Variants in CLOCK observed in about 807,000 individuals in gnomAD.
CLOCK encodes the protein clock circadian regulator.
Under a neutral mutation model 118.4 loss-of-function variants are expected in CLOCK, and 43 were observed. The observed-to-expected ratio is 0.36, with a 90% CI of 0.28 to 0.47. The LOEUF (loss-of-function observed/expected upper bound fraction) is 0.47, where lower values mean the gene tolerates loss of function less well. Among genes scored for constraint, CLOCK ranks in the 20% least tolerant of loss-of-function variants. The pLI, the probability that CLOCK is intolerant of heterozygous loss-of-function variation, is 1.00. For synonymous variants in CLOCK, 326 were observed against 339.2 expected (o/e 0.96, Z 0.43); for missense variants, 846 against 999.9 (o/e 0.85, Z 2.08).
In CLOCK at chr4:55,474,270, C is replaced by A. The variant is rs569298335; in HGVS notation, c.348+1693G>T. Among the ~76,000 whole-genome samples, 4 of 152,276 alleles carry A rather than the reference C, an allele frequency of 2.6e-5. No individual in the cohort carries two copies. In the South Asian group the frequency reaches 8.3e-4, roughly 32 times the overall value. ...GCCACAACATCCCCTTAAGCCAAAGCCTAATCCAGAGGCCTTAATGCTCTT... is the reference window on the plus strand; with the variant it reads ...GCCACAACATCCCCTTAAGCCAAAGACTAATCCAGAGGCCTTAATGCTCTT... On this transcript the variant is annotated intron_variant, in intron 7 of 22. Transcript: ENST00000513440.
At chr4:55,541,685 T>C (rs747589491) in intron 1 of CLOCK, among the ~76,000 whole-genome samples, 9 of 152,200 alleles carry the variant, frequency 5.9e-5, no homozygotes, top group Non-Finnish European at 1.3e-4. Context: ...AGTTAACTGA[T>C]AGGATTTAAT....
chr4:55,488,324 C>T (rs569526413), intron 3 of CLOCK, among the ~76,000 whole-genome samples: 2 of 152,302 alleles, frequency 1.3e-5, no homozygotes, highest in South Asian at 2.1e-4. Context: ...AATCACACTT[C>T]TACATGCCAA....
chr4:55,512,551 T>C (rs900499677), intron 1 of CLOCK, among the ~76,000 whole-genome samples: 9 of 152,170 alleles, frequency 5.9e-5, no homozygotes, highest in African/African-American at 1.9e-4. Flanking sequence ...TTTTGATAAG[T>C]ACCTCTCACA....
At chr4:55,476,650 A>T (rs1286153278) in intron 6 of CLOCK, among the ~76,000 whole-genome samples, 2 of 152,164 alleles carry the variant, frequency 1.3e-5, no homozygotes, top group Admixed American at 6.6e-5. Context: ...TCCTCCTTGT[A>T]CAACAGTAGA....
chr4:55,470,928 A>G, intron 7 of CLOCK, 122 bp from the exon 8 acceptor site: 1 of 695,530 alleles, frequency 1.4e-6, no homozygotes, highest in South Asian at 1.7e-5. Context: ...CTGTCAAAAT[A>G]TAATACTAGC....
At chr4:55,493,633 T>G (rs1411647577) in intron 2 of CLOCK, among the ~76,000 whole-genome samples, 2 of 152,214 alleles carry the variant, frequency 1.3e-5, no homozygotes, top group Admixed American at 6.5e-5. Context: ...TTGTTTAATG[T>G]ACGAGGAAAA....
In CLOCK at chr4:55,445,582, CTTTTTTTTT is replaced by C. The variant is rs56157186; in HGVS notation, c.1540-806_1540-798del. Among the ~76,000 whole-genome samples the C allele has an allele frequency of 1.2e-4, 8 of 68,572 alleles. 2 individuals carry two copies. The highest frequency in any genetic ancestry group is 4.1e-4 in the Admixed American group (2 of 4,862). The allele number at this position is 68,572 out of a possible 152,430, so 45.0% of individuals were successfully genotyped here. ...TCTCTGCATCTGCTATTTCTATATT[CTTTTTTTTT>C]TTTTTTTTTTTTTTTTTGAGACAGG... On this transcript the variant is annotated intron_variant, in intron 18 of 22. Coordinates refer to ENST00000513440, the MANE Select transcript of CLOCK (RefSeq NM_004898.4).
intron 3 of CLOCK, among the ~76,000 whole-genome samples, chr4:55,488,910 T>G (rs541482248): frequency 6.6e-6 from 1 of 152,206 alleles, no homozygotes; most frequent in Non-Finnish European, 1.5e-5. Context: ...TTTCTAAATT[T>G]TTGGTGGAGA....
At chr4:55,449,173 A>T (rs868807453) in intron 17 of CLOCK, among the ~76,000 whole-genome samples, 1 of 15,038 alleles carries the variant, frequency 6.6e-5, no homozygotes, top group African/African-American at 3.4e-4. Flanking sequence ...TCCACAATTA[A>T]AAAAAAAAAA....
intron 6 of CLOCK, 32 bp from the exon 7 acceptor site, chr4:55,476,086 T>C: frequency 7.1e-7 from 1 of 1,418,356 alleles, no homozygotes; most frequent in Non-Finnish European, 1.0e-6. Context: ...AGTGGCATAC[T>C]CCAACCACCG....
chr4:55,484,119 C>T (rs1727128438), intron 3 of CLOCK, among the ~76,000 whole-genome samples: 1 of 152,114 alleles, frequency 6.6e-6, no homozygotes, highest in African/African-American at 2.4e-5. Context: ...GGAGAATAAC[C>T]CTGGCAACAT....
chr4:55,452,937 C>A, intron 15 of CLOCK, 117 bp downstream of exon 15: 1 of 738,950 alleles, frequency 1.4e-6, no homozygotes, highest in South Asian at 1.8e-5. Context: ...AATCACATCC[C>A]CGTTATAAGT....
intron 1 of CLOCK, among the ~76,000 whole-genome samples, chr4:55,533,596 T>G (rs114356582): frequency 0.018 from 2,736 of 152,300 alleles, 73 homozygotes; most frequent in African/African-American, 0.062. Flanking sequence ...TGGGATTGTT[T>G]GTAAATCCGT....
intron 9 of CLOCK, among the ~76,000 whole-genome samples, chr4:55,463,252 A>C (rs901605758): frequency 7.2e-5 from 11 of 152,076 alleles, no homozygotes; most frequent in African/African-American, 2.7e-4. Context: ...TAAAGTAGAT[A>C]ATTTATCTTT....
chr4:55,497,307 C>T (rs1165237544), intron 2 of CLOCK, among the ~76,000 whole-genome samples: 1 of 152,196 alleles, frequency 6.6e-6, no homozygotes, highest in Non-Finnish European at 1.5e-5. Flanking sequence ...TTTCTTCTGC[C>T]TCTTTCTTCC....
intron 6 of CLOCK, among the ~76,000 whole-genome samples, chr4:55,477,015 T>C (rs965830551): frequency 2.0e-5 from 3 of 152,068 alleles, no homozygotes; most frequent in Admixed American, 6.6e-5. Flanking sequence ...AACTAAGAAG[T>C]AGAGCTACTA....
intron 13 of CLOCK, 36 bp from the exon 14 acceptor site, chr4:55,453,860 T>C (rs761906641): frequency 4.1e-6 from 6 of 1,449,948 alleles, no homozygotes; most frequent in Non-Finnish European, 5.7e-6. Flanking sequence ...TTTCTTTAAT[T>C]CATATTATAT....
chr4:55,456,191 T>C lies in CLOCK; in HGVS notation c.875+27A>G, dbSNP rs572784940. 1.3e-5 allele frequency: 19 copies of C among 1,497,714 alleles called. No homozygotes were observed. The South Asian group carries it at 1.8e-4, about 15-fold the overall frequency. The allele number at this position is 1,497,714 out of a possible 1,614,324, so 92.8% of individuals were successfully genotyped here. On this transcript the variant is annotated intron_variant, in intron 12 of 22. Transcript: ENST00000513440. ...GAATTATATAACATGACTATTACCT[T>C]TTCATGGAATTTAAAAATGGAATTA...
At chr4:55,502,578 T>G (rs1196128090) in intron 2 of CLOCK, among the ~76,000 whole-genome samples, 3 of 152,212 alleles carry the variant, frequency 2.0e-5, no homozygotes, top group Non-Finnish European at 4.4e-5. Context: ...CAGTCAAGTT[T>G]ATAGAAGAAA....
Sources: allele counts gnomAD v4.1 joint callset (sites outside exome capture counted in the v4.1 genomes callset), GRCh38; gene constraint gnomAD v4.1.1; transcripts MANE v1.5; gene names NCBI Gene and HGNC (gene_info 2026-07-23, HGNC 2026-07-21).